Variants in ADAMTSL2 observed in about 807,000 individuals in gnomAD.
The protein encoded by ADAMTSL2 is ADAMTS like 2, also known as ADAMTS-like protein 2.
Under a neutral mutation model 117.0 loss-of-function variants are expected in ADAMTSL2, and 55 were observed. The observed-to-expected ratio is 0.47, with a 90% CI of 0.38 to 0.59. The LOEUF (loss-of-function observed/expected upper bound fraction) is 0.59, where lower values mean the gene tolerates loss of function less well. ADAMTSL2 is among the 20% of genes least tolerant of loss of function. The probability of loss-of-function intolerance (pLI) is 0.00; values close to 1 mark genes in which losing one functional copy is unlikely to be tolerated. For synonymous variants in ADAMTSL2, 572 were observed against 566.4 expected (o/e 1.01, Z -0.14); for missense variants, 1,182 against 1,354.5 (o/e 0.87, Z 2.00).
intron 9 of ADAMTSL2, among the ~76,000 whole-genome samples, chr9:133,550,338 C>T (rs779814574): frequency 1.3e-5 from 2 of 152,204 alleles, no homozygotes; most frequent in Non-Finnish European, 2.9e-5. Flanking sequence ...TGTGGCTCCC[C>T]GCTCCATTGC....
At position 133,555,697 on chromosome 9, in the gene ADAMTSL2, C is replaced by G; in HGVS notation, c.1416C>G (p.Phe472Leu). ...GCGCAGGCTCTGACTTGAAGGACTT[C>G]ACCCTCAATGAGACTGTGAACAGCA... is the stretch of plus-strand genomic sequence containing the variant. ...LLGAGSDLKDFTLNETVNSIF... is the reference protein window; with the variant it reads ...LLGAGSDLKDLTLNETVNSIF... Residue 472 changes from phenylalanine (F) to leucine (L), a missense_variant, in exon 11 of 19, where the codon TTC becomes TTG. Around this residue, in one of 3 missense-constraint regions of ADAMTSL2, gnomAD observed 345 missense variants for 325.8 expected, o/e 1.06. Transcript: ENST00000651351. 2.5e-6 allele frequency: 4 copies of G among 1,613,974 alleles called. No individual in the cohort carries two copies. The Admixed American group carries it at 6.7e-5, about 27-fold the overall frequency.
At chr9:133,546,445 C>T (rs543626349) in intron 8 of ADAMTSL2, among the ~76,000 whole-genome samples, 14 of 152,230 alleles carry the variant, frequency 9.2e-5, no homozygotes, top group South Asian at 8.3e-4. Flanking sequence ...TTGAGCACCT[C>T]GGCCAGGCCT....
In ADAMTSL2 at chr9:133,555,589, G is replaced by A; in HGVS notation, c.1308G>A (p.Gly436=). The change falls in exon 11 of 19, where the codon GGG becomes GGA. Residue 436 remains glycine (G), a synonymous_variant. Coordinates refer to ENST00000651351, the MANE Select transcript of ADAMTSL2 (RefSeq NM_014694.4). The part of the protein sequence containing the change: ...DRNVTGTPLT[G]DKDDEEVDTH... The stretch of plus-strand genomic sequence containing the variant: ...ACGTCACGGGGACTCCTCTCACCGG[G>A]GACAAGGATGACGAAGAGGTTGACA... The A allele has an allele frequency of 3.1e-6, 5 of 1,613,168 alleles. 1 individual carries two copies. Among genetic ancestry groups the A allele is most frequent in the South Asian group, 1.1e-5 (1 of 91,080 alleles).
At chr9:133,565,622 G>GA (rs1389099817) in intron 12 of ADAMTSL2, among the ~76,000 whole-genome samples, 3 of 152,180 alleles carry the variant, frequency 2.0e-5, no homozygotes, top group Non-Finnish European at 4.4e-5. Flanking sequence ...ACGGAAAAAA[G>GA]AAAAAATCCC....
Position 133,574,948 on chromosome 9 carries a change from C to T in ADAMTSL2, c.*84C>T. On this transcript the variant is annotated 3_prime_UTR_variant, in exon 19 of 19. Coordinates refer to ENST00000651351, the MANE Select transcript of ADAMTSL2 (RefSeq NM_014694.4). ...AGCTTCTGGGGCCTCCACAGACCCC[C>T]CTCCTGCGGGGCACGCTGGCCTAAG... The T allele has an allele frequency of 9.2e-7, 1 of 1,087,532 alleles. No individual in the cohort carries two copies. Among genetic ancestry groups the T allele is most frequent in the Non-Finnish European group, 1.4e-6 (1 of 708,672 alleles). The allele number at this position is 1,087,532 out of a possible 1,614,324, so 67.4% of individuals were successfully genotyped here. A position where few individuals can be genotyped will look rare whatever the true frequency, so the allele number is the denominator to read the frequency against.
At chr9:133,539,337 C>A (rs895723553) in intron 4 of ADAMTSL2, among the ~76,000 whole-genome samples, 8 of 152,198 alleles carry the variant, frequency 5.3e-5, no homozygotes, top group African/African-American at 1.9e-4. Context: ...GAGTCAGGAC[C>A]ACGATCTTCC....
chr9:133,569,304 A>C lies in ADAMTSL2; in HGVS notation c.2245-104A>C. The C allele has an allele frequency of 4.1e-6, 5 of 1,229,738 alleles. No individual in the cohort carries two copies. In the African/African-American group the frequency reaches 6.0e-5, roughly 15 times the overall value. The allele number at this position is 1,229,738 out of a possible 1,614,324, so 76.2% of individuals were successfully genotyped here. A position where few individuals can be genotyped will look rare whatever the true frequency, so the allele number is the denominator to read the frequency against. On this transcript the variant is annotated intron_variant, in intron 15 of 18. Transcript: ENST00000651351. ...AGTGGTTACCATGGCAACCGCTTCG[A>C]CACTGCCTGGGAGCCACTCCTCTCC...
chr9:133,553,008 C>G (rs1483460664), intron 9 of ADAMTSL2, among the ~76,000 whole-genome samples: 22 of 152,182 alleles, frequency 1.4e-4, no homozygotes, highest in Non-Finnish European at 2.9e-5. Context: ...ACTGCCCTGA[C>G]TGGGCGAGAA....
chr9:133,537,541 A>G lies in ADAMTSL2; in HGVS notation c.227A>G (p.Gln76Arg). ...GVTSQERHCL[Q>R]QRRKSVPGPG... ...ACATCCCAGGAGCGGCACTGCCTGC[A>G]GCAGAGGTGCGAGGTTGGGCACGTG... Residue 76 changes from glutamine to arginine, a missense_variant, in exon 3 of 19, where the codon CAG becomes CGG. By Grantham distance (43) the Gln-to-Arg change is conservative. Coordinates refer to ENST00000651351, the MANE Select transcript of ADAMTSL2 (RefSeq NM_014694.4). The G allele has an allele frequency of 7.4e-7, 1 of 1,349,926 alleles. No individual in the cohort carries two copies. The highest frequency in any genetic ancestry group is 9.6e-7 in the Non-Finnish European group (1 of 1,041,842). 83.6% of individuals were successfully genotyped at this position (1,349,926 alleles called of 1,614,324 possible). A position where few individuals can be genotyped will look rare whatever the true frequency, so the allele number is the denominator to read the frequency against.
rs1380488113 is a variant in ADAMTSL2, at chr9:133,564,353, GGA to G, written c.1748-2573_1748-2572del. ...GAGAGAAAGAGAGAGAAAGAGAGAG[GGA>G]GAGAGAGAGGGAGAGAGAGGGAGAG... is the stretch of plus-strand genomic sequence containing the variant. On this transcript the variant is annotated intron_variant, in intron 12 of 18. Transcript: ENST00000651351. Among the ~76,000 whole-genome samples the G allele has an allele frequency of 1.3e-3, 31 of 23,844 alleles. 4 individuals carry two copies. The highest frequency in any genetic ancestry group is 5.6e-3 in the African/African-American group (29 of 5,208). The allele number at this position is 23,844 out of a possible 152,430, so 15.6% of individuals were successfully genotyped here.
At chr9:133,572,159 TCCACCCTGCCCCGCCACCCC>T in intron 17 of ADAMTSL2, among the ~76,000 whole-genome samples, 1 of 151,394 alleles carries the variant, frequency 6.6e-6, no homozygotes, top group Non-Finnish European at 1.5e-5. Flanking sequence ...GTGTCTGGCC[TCCACCCTGCCCCGCCACCCC>T]CCACCCCCCA....
chr9:133,552,350 T>C (rs1426857382), intron 9 of ADAMTSL2, among the ~76,000 whole-genome samples: 1 of 152,200 alleles, frequency 6.6e-6, no homozygotes, highest in African/African-American at 2.4e-5. Flanking sequence ...TCTGCTCCTC[T>C]GGAAGACAGG....
chr9:133,551,812 C>CTT lies in ADAMTSL2; in HGVS notation c.940-2520_940-2519dup, dbSNP rs56225051. 3.0e-3 allele frequency among the ~76,000 whole-genome samples: 330 copies of CTT among 111,054 alleles called. 28 individuals carry two copies. Among genetic ancestry groups the CTT allele is most frequent in the African/African-American group, 0.01 (264 of 26,082 alleles). 72.9% of individuals were successfully genotyped at this position (111,054 alleles called of 152,430 possible). ...CTCAGGATCCCACCCAAAGCAGCAG[C>CTT]TTTTTTTTTTTTTTTTTTTTTTTTT... is the stretch of plus-strand genomic sequence containing the variant. On this transcript the variant is annotated intron_variant, in intron 9 of 18. Coordinates refer to ENST00000651351, the MANE Select transcript of ADAMTSL2 (RefSeq NM_014694.4).
chr9:133,539,749 T>C lies in ADAMTSL2; in HGVS notation c.310-22T>C, dbSNP rs1279355829. On this transcript the variant is annotated intron_variant, in intron 4 of 18. Transcript: ENST00000651351. The stretch of plus-strand genomic sequence containing the variant: ...GTCGGGCCGAGTTCCTCCCGGAGCC[T>C]CCCTGTCCCTTCGCTTCCCAGGAGT... The C allele has an allele frequency of 7.8e-6, 11 of 1,418,952 alleles. No homozygotes were observed. The East Asian group carries it at 2.9e-4, about 38-fold the overall frequency. 87.9% of individuals were successfully genotyped at this position (1,418,952 alleles called of 1,614,324 possible).
At chr9:133,563,071 A>C (rs1830784556) in intron 12 of ADAMTSL2, among the ~76,000 whole-genome samples, 1 of 152,244 alleles carries the variant, frequency 6.6e-6, no homozygotes, top group African/African-American at 2.4e-5. Flanking sequence ...GCCCTGGGCA[A>C]ATTGCCAAAG....
Position 133,558,615 on chromosome 9 carries a change from C to T in ADAMTSL2, c.1650-2583C>T, listed in dbSNP as rs374933013. Among the ~76,000 whole-genome samples, 10 of 152,144 alleles carry T rather than the reference C, an allele frequency of 6.6e-5. No individual in the cohort carries two copies. In the East Asian group the frequency reaches 1.3e-3, roughly 21 times the overall value. On this transcript the variant is annotated intron_variant, in intron 11 of 18. Transcript: ENST00000651351. The surrounding 1 kb of genome is among the most constrained non-coding windows in gnomAD (Gnocchi z 4.3). ...CAGAGCTTCTCCTGCCTGGGGAGCCCGTGAGCCTGTGTCTGGCCGGGCATC... is the reference window on the plus strand; with the variant it reads ...CAGAGCTTCTCCTGCCTGGGGAGCCTGTGAGCCTGTGTCTGGCCGGGCATC...
chr9:133,563,419 G>A (rs1224857893), intron 12 of ADAMTSL2, among the ~76,000 whole-genome samples: 6 of 152,166 alleles, frequency 3.9e-5, no homozygotes, highest in Non-Finnish European at 8.8e-5. Context: ...GACTCCAAGC[G>A]TGTGGGCGTT....
intron 12 of ADAMTSL2, among the ~76,000 whole-genome samples, chr9:133,564,786 G>A (rs375084734): frequency 8.5e-5 from 13 of 152,064 alleles, no homozygotes; most frequent in African/African-American, 2.4e-4. Flanking sequence ...TGTGGGAGGT[G>A]CTGAATGGCA....
chr9:133,562,673 A>C (rs1268629822), intron 12 of ADAMTSL2, among the ~76,000 whole-genome samples: 3 of 141,520 alleles, frequency 2.1e-5, no homozygotes, highest in South Asian at 2.2e-4. Flanking sequence ...CGGCTTGGCC[A>C]GGCTCGCACC....
Sources: allele counts gnomAD v4.1 joint callset (sites outside exome capture counted in the v4.1 genomes callset), GRCh38; gene constraint gnomAD v4.1.1; regional missense constraint gnomAD v4.1.1; non-coding constraint Gnocchi (gnomAD v3.1); transcripts MANE v1.5; gene names NCBI Gene and HGNC (gene_info 2026-07-23, HGNC 2026-07-21).